KCNMB2: variants seen among roughly 807,000 people sequenced by gnomAD.
KCNMB2 encodes calcium-activated potassium channel subunit beta-2.
A neutral mutation model predicts 24.5 loss-of-function variants in KCNMB2; 9 were observed. The ratio of observed to expected loss-of-function variants is 0.37; its 90% CI spans 0.22 to 0.64. The LOEUF (loss-of-function observed/expected upper bound fraction) is 0.64. Ranked by LOEUF, KCNMB2 falls within the 30% of genes least tolerant of loss-of-function variation. The pLI is 0.63. For missense variants in KCNMB2, 226 were observed against 284.3 expected (o/e 0.79, Z 1.47); for synonymous variants, 109 against 104.4 (o/e 1.04, Z -0.27).
chr3:178,803,566 T>C (rs1325030606), intron 1 of KCNMB2, among the ~76,000 whole-genome samples: 2 of 152,152 alleles, frequency 1.3e-5, no homozygotes, highest in Admixed American at 1.3e-4. Context: ...TTACTATGTG[T>C]CCTGGATTGT....
At chr3:178,680,102 GC>G (rs1357687553) in intron 1 of KCNMB2, among the ~76,000 whole-genome samples, 2 of 152,056 alleles carry the variant, frequency 1.3e-5, no homozygotes, top group Non-Finnish European at 2.9e-5. Context: ...GCACCCCTCT[GC>G]GCATAAATTA....
intron 1 of KCNMB2, among the ~76,000 whole-genome samples, chr3:178,798,855 A>T (rs1049259718): frequency 6.6e-6 from 1 of 152,096 alleles, no homozygotes; most frequent in Non-Finnish European, 1.5e-5. Flanking sequence ...AAACCTGCAC[A>T]TCCTGCACAT....
intron 1 of KCNMB2, among the ~76,000 whole-genome samples, chr3:178,648,544 AAAAACAAAAC>A (rs141163379): frequency 0.016 from 2,383 of 152,292 alleles, 33 homozygotes; most frequent in Middle Eastern, 0.024. Flanking sequence ...TCTGTCTCTT[AAAAACAAAAC>A]AAAACAAAAC....
At position 178,608,561 on chromosome 3, in the gene KCNMB2, G is replaced by A. The variant is rs116743668; in HGVS notation, c.-68+71850G>A. Among the ~76,000 whole-genome samples the A allele has an allele frequency of 1.6e-3, 245 of 152,222 alleles. 1 individual carries two copies. Among genetic ancestry groups the A allele is most frequent in the African/African-American group, 5.7e-3 (238 of 41,520 alleles). ...ATCCAATTACACTCTATTTTAAAAT[G>A]TACAATTAAGTTATCATTGACAATA... On this transcript the variant is annotated intron_variant, in intron 1 of 4. Transcript: ENST00000452583.
At chr3:178,784,249 T>C (rs1165380059) in intron 1 of KCNMB2, among the ~76,000 whole-genome samples, 1 of 152,174 alleles carries the variant, frequency 6.6e-6, no homozygotes, top group Non-Finnish European at 1.5e-5. Context: ...AGCAAAACAA[T>C]TGTTGGAGGT....
At chr3:178,622,025 T>C (rs1275210448) in intron 1 of KCNMB2, among the ~76,000 whole-genome samples, 1 of 152,246 alleles carries the variant, frequency 6.6e-6, no homozygotes, top group Non-Finnish European at 1.5e-5. Context: ...GCTAAATTTC[T>C]TCATTTATAA....
intron 1 of KCNMB2, among the ~76,000 whole-genome samples, chr3:178,629,167 T>G (rs1162792011): frequency 6.6e-6 from 1 of 152,240 alleles, no homozygotes; most frequent in Non-Finnish European, 1.5e-5. Flanking sequence ...CACTCCTTCC[T>G]GCATTTTTAG....
At chr3:178,568,792 TA>T (rs1383595909) in intron 1 of KCNMB2, among the ~76,000 whole-genome samples, 1 of 101,914 alleles carries the variant, frequency 9.8e-6, no homozygotes, top group African/African-American at 5.1e-5. Flanking sequence ...GATAGATAGA[TA>T]GATAGATAGA....
At chr3:178,773,001 GA>G (rs1712436910) in intron 1 of KCNMB2, among the ~76,000 whole-genome samples, 1 of 151,714 alleles carries the variant, frequency 6.6e-6, no homozygotes, top group South Asian at 2.1e-4. Context: ...TTTTCCTGTT[GA>G]CAGTTTCAAA....
intron 1 of KCNMB2, among the ~76,000 whole-genome samples, chr3:178,758,550 A>ATATC (rs1289764967): frequency 4.0e-5 from 1 of 25,130 alleles, no homozygotes. Context: ...ATATATATAT[A>ATATC]TCCAAGAGGA....
rs1344852044 is a variant in KCNMB2 at position 178,684,478 on chromosome 3, T to C, written c.-67-122865T>C. ...ATGGGATTTGTGCCAAATAAGTAGATTTTAGCTGCATTTGCCACAAAAACA... is the reference window on the plus strand; with the variant it reads ...ATGGGATTTGTGCCAAATAAGTAGACTTTAGCTGCATTTGCCACAAAAACA... On this transcript the variant is annotated intron_variant, in intron 1 of 4. Coordinates refer to ENST00000452583, the MANE Select transcript of KCNMB2 (RefSeq NM_181361.3). Among the ~76,000 whole-genome samples, 3 of 151,952 alleles carry C rather than the reference T, an allele frequency of 2.0e-5. No individual in the cohort carries two copies. The East Asian group carries it at 5.8e-4, about 29-fold the overall frequency.
intron 1 of KCNMB2, among the ~76,000 whole-genome samples, chr3:178,679,485 C>G (rs1002761390): frequency 2.0e-5 from 3 of 152,152 alleles, no homozygotes; most frequent in Non-Finnish European, 4.4e-5. Flanking sequence ...TTCATACATC[C>G]AAGTTTTCCT....
Position 178,572,966 on chromosome 3 carries a change from T to C in KCNMB2, c.-68+36255T>C, listed in dbSNP as rs139043459. 6.8e-3 allele frequency among the ~76,000 whole-genome samples: 1,035 copies of C among 152,308 alleles called. 9 individuals carry two copies. Among genetic ancestry groups the C allele is most frequent in the Admixed American group, 0.029 (451 of 15,290 alleles). Reference sequence around the variant, plus strand: ...TTCATACAGTAAATATTGTAGTAGGTTCTCCAGAAACTATTATGAACAAAA... The same window carrying C: ...TTCATACAGTAAATATTGTAGTAGGCTCTCCAGAAACTATTATGAACAAAA... On this transcript the variant is annotated intron_variant, in intron 1 of 4. Transcript: ENST00000452583.
chr3:178,677,318 T>C (rs1721104367), intron 1 of KCNMB2, among the ~76,000 whole-genome samples: 1 of 152,024 alleles, frequency 6.6e-6, no homozygotes, highest in South Asian at 2.1e-4. Context: ...ATAAGGAGGG[T>C]ATGTACATGG....
At chr3:178,813,993 T>C (rs982357000) in intron 2 of KCNMB2, among the ~76,000 whole-genome samples, 9 of 152,122 alleles carry the variant, frequency 5.9e-5, no homozygotes. Flanking sequence ...TTGCTGCTGC[T>C]GCTGTTGTTT....
At chr3:178,631,290 T>A (rs7613009) in intron 1 of KCNMB2, among the ~76,000 whole-genome samples, 104,622 of 152,104 alleles carry the variant, frequency 0.69, 36,527 homozygotes, top group African/African-American at 0.83. Flanking sequence ...CTGGTAAAGA[T>A]GGCATTCTCA....
chr3:178,672,382 T>C (rs984491840), intron 1 of KCNMB2, among the ~76,000 whole-genome samples: 1 of 152,170 alleles, frequency 6.6e-6, no homozygotes, highest in Non-Finnish European at 1.5e-5. Flanking sequence ...AATTACAACC[T>C]AGGTCTTTCA....
chr3:178,787,784 T>C (rs1713166942), intron 1 of KCNMB2, among the ~76,000 whole-genome samples: 1 of 152,076 alleles, frequency 6.6e-6, no homozygotes, highest in African/African-American at 2.4e-5. Context: ...CTAGCAAAAA[T>C]TAAATTCTGA....
intron 1 of KCNMB2, among the ~76,000 whole-genome samples, chr3:178,804,032 C>G (rs1419929754): frequency 6.6e-6 from 1 of 152,204 alleles, no homozygotes; most frequent in Non-Finnish European, 1.5e-5. Flanking sequence ...GTTCCTAGAT[C>G]ATTTAATGGT....
Sources: gnomAD v4.1 joint callset for allele counts (sites outside exome capture counted in the v4.1 genomes callset) on GRCh38, gnomAD v4.1.1 for gene constraint, MANE v1.5 for transcripts, NCBI Gene and HGNC (gene_info 2026-07-23, HGNC 2026-07-21) for gene names.